Variants in C7 observed in about 807,000 individuals in gnomAD.
C7 encodes the protein complement component C7.
Under a neutral mutation model 104.8 loss-of-function variants are expected in C7, and 83 were observed. The ratio of observed to expected loss-of-function variants is 0.79; its 90% CI spans 0.66 to 0.95. The LOEUF is 0.95. Ranked by LOEUF, C7 falls within the 40% of genes least tolerant of loss-of-function variation. The pLI, the probability that C7 is intolerant of heterozygous loss-of-function variation, is 0.00. For synonymous variants in C7, 415 were observed against 360.6 expected (o/e 1.15, Z -1.71); for missense variants, 1,070 against 1,011.2 (o/e 1.06, Z -0.79).
chr5:40,923,932 AG>A (rs1739496967), intron 1 of C7, among the ~76,000 whole-genome samples: 2 of 127,560 alleles, frequency 1.6e-5, no homozygotes, highest in Admixed American at 1.6e-4. Flanking sequence ...GAGATTTGAA[AG>A]GGACATCTAA....
intron 10 of C7, 75 bp from the exon 11 acceptor site, chr5:40,957,958 C>T (rs577263012): frequency 4.3e-5 from 41 of 957,852 alleles, no homozygotes; most frequent in African/African-American, 1.5e-4. Flanking sequence ...TAATGAGAGT[C>T]GTGCCTAAAC....
chr5:40,958,902 C>T (rs1740360294), intron 11 of C7, among the ~76,000 whole-genome samples: 2 of 152,110 alleles, frequency 1.3e-5, no homozygotes, highest in South Asian at 4.2e-4. Context: ...AGGCTTGATT[C>T]ATAGAAGTCA....
chr5:40,917,776 T>C (rs1277957865), intron 1 of C7, among the ~76,000 whole-genome samples: 1 of 152,198 alleles, frequency 6.6e-6, no homozygotes, highest in Non-Finnish European at 1.5e-5. Flanking sequence ...TCACTTTTTA[T>C]ACTGCCAAGT....
chr5:40,920,527 T>C (rs901995744), intron 1 of C7, among the ~76,000 whole-genome samples: 4 of 147,248 alleles, frequency 2.7e-5, no homozygotes, highest in African/African-American at 1.0e-4. Flanking sequence ...GTAATAAAAG[T>C]TCTCCCATTA....
chr5:40,936,566 A>G (rs1300042483), intron 5 of C7, 81 bp downstream of exon 5: 6 of 1,332,896 alleles, frequency 4.5e-6, no homozygotes, highest in Non-Finnish European at 6.2e-6. Flanking sequence ...TGGTAAGTCT[A>G]CGAACAAGTC....
chr5:40,910,964 TTATAA>T (rs1315921637), intron 1 of C7: 3 of 152,318 alleles, frequency 2.0e-5, no homozygotes, highest in Non-Finnish European at 2.9e-5. Flanking sequence ...ACAATCATTA[TTATAA>T]TATTTTACTG....
intron 6 of C7, among the ~76,000 whole-genome samples, chr5:40,942,940 T>C (rs550439976): frequency 3.9e-5 from 6 of 152,196 alleles, no homozygotes; most frequent in African/African-American, 1.4e-4. Context: ...AATTTTTGTA[T>C]TTTTAGTAGA....
intron 1 of C7, among the ~76,000 whole-genome samples, chr5:40,914,622 T>C (rs545685985): frequency 3.9e-5 from 6 of 152,266 alleles, no homozygotes; most frequent in African/African-American, 1.4e-4. Flanking sequence ...TTTCAATCCA[T>C]GTTGAGTTGA....
chr5:40,918,502 T>A (rs963934542), intron 1 of C7, among the ~76,000 whole-genome samples: 3 of 151,976 alleles, frequency 2.0e-5, no homozygotes, highest in African/African-American at 7.2e-5. Flanking sequence ...AGATATAGAG[T>A]AAGTGAATGA....
At chr5:40,938,245 A>T (rs1739857973) in intron 6 of C7, among the ~76,000 whole-genome samples, 1 of 152,038 alleles carries the variant, frequency 6.6e-6, no homozygotes, top group East Asian at 1.9e-4. Flanking sequence ...ACTATTTTAT[A>T]TTTTGTATTA....
At chr5:40,951,029 G>A (rs555880268) in intron 9 of C7, among the ~76,000 whole-genome samples, 5 of 152,250 alleles carry the variant, frequency 3.3e-5, no homozygotes, top group Admixed American at 3.3e-4. Context: ...TAAAGTTGTA[G>A]AGAATAAAGA....
Position 40,941,431 on chromosome 5 carries a change from T to G in C7, c.567+3741T>G, listed in dbSNP as rs184716238. On this transcript the variant is annotated intron_variant, in intron 6 of 17. Transcript: ENST00000313164. ...GGATTACACAGTGAAGTGTGAAGAG[T>G]TGTAAGAAATGAGGTTATGAGTGAT... is the stretch of plus-strand genomic sequence containing the variant. 1.0e-3 allele frequency among the ~76,000 whole-genome samples: 152 copies of G among 151,358 alleles called. 1 individual carries two copies. The highest frequency in any genetic ancestry group is 3.1e-3 in the African/African-American group (127 of 41,180).
At chr5:40,975,717 G>A (rs993857066) in intron 15 of C7, among the ~76,000 whole-genome samples, 2 of 152,096 alleles carry the variant, frequency 1.3e-5, no homozygotes, top group Non-Finnish European at 2.9e-5. Flanking sequence ...ACCATGGCAG[G>A]CATACTTCAC....
chr5:40,931,581 G>GA (rs35474679), intron 3 of C7, among the ~76,000 whole-genome samples: 42,718 of 146,238 alleles, frequency 0.29, 7,366 homozygotes, highest in African/African-American at 0.5. Flanking sequence ...GAACAACCAT[G>GA]AAAAAAATTT....
chr5:40,974,967 A>G (rs1740782986), intron 15 of C7, among the ~76,000 whole-genome samples: 1 of 152,162 alleles, frequency 6.6e-6, no homozygotes, highest in Admixed American at 6.5e-5. Context: ...ACCCAACAGT[A>G]GCATCCTCCT....
At chr5:40,956,961 C>G (rs1169070921) in intron 10 of C7, among the ~76,000 whole-genome samples, 2 of 152,174 alleles carry the variant, frequency 1.3e-5, no homozygotes, top group Non-Finnish European at 2.9e-5. Flanking sequence ...TGTACTTTTC[C>G]ACATAGGACT....
chr5:40,941,663 G>GC (rs1232237651), intron 6 of C7, among the ~76,000 whole-genome samples: 1 of 152,134 alleles, frequency 6.6e-6, no homozygotes, highest in East Asian at 1.9e-4. Flanking sequence ...AACTTGGTGA[G>GC]CGGCTGAATG....
chr5:40,912,889 G>T (rs564992952), intron 1 of C7, among the ~76,000 whole-genome samples: 26 of 152,234 alleles, frequency 1.7e-4, no homozygotes, highest in African/African-American at 6.0e-4. Flanking sequence ...GGCTTTCAGT[G>T]TATCTATCTT....
At chr5:40,919,166 C>T (rs1371190518) in intron 1 of C7, among the ~76,000 whole-genome samples, 1 of 151,380 alleles carries the variant, frequency 6.6e-6, no homozygotes, top group Non-Finnish European at 1.5e-5. Context: ...CTCTGTCACC[C>T]AGCCTGTAGT....
Sources: allele counts gnomAD v4.1 joint callset (sites outside exome capture counted in the v4.1 genomes callset), GRCh38; gene constraint gnomAD v4.1.1; transcripts MANE v1.5; gene names NCBI Gene and HGNC (gene_info 2026-07-23, HGNC 2026-07-21).